CAST: variants seen among roughly 807,000 people sequenced by gnomAD.
CAST encodes calpastatin, also known as MIR583 host.
A neutral mutation model predicts 119.6 loss-of-function variants in CAST; 76 were observed. The ratio of observed to expected loss-of-function variants is 0.64; its 90% CI spans 0.53 to 0.77. The LOEUF (loss-of-function observed/expected upper bound fraction) is 0.77, where lower values mean the gene tolerates loss of function less well. Ranked by LOEUF, CAST falls within the 30% of genes least tolerant of loss-of-function variation. The pLI, the probability that CAST is intolerant of heterozygous loss-of-function variation, is 0.00. For missense variants in CAST, 953 were observed against 946.5 expected (o/e 1.01, Z -0.09); for synonymous variants, 319 against 331.6 (o/e 0.96, Z 0.41).
the CAST span, among the ~76,000 whole-genome samples, chr5:96,099,773 C>A: frequency 1.5e-4 from 23 of 152,174 alleles, no homozygotes; most frequent in African/African-American, 4.6e-4. Context: ...CAAGGATATT[C>A]GCCTGAAGTT....
the CAST span, among the ~76,000 whole-genome samples, chr5:96,074,394 G>T: frequency 3.1e-3 from 465 of 152,310 alleles, 3 homozygotes; most frequent in African/African-American, 0.011. Flanking sequence ...TGGAATTAGT[G>T]CCCTTACAAG....
the CAST span, among the ~76,000 whole-genome samples, chr5:96,293,149 C>G: frequency 7.0e-4 from 107 of 152,318 alleles, no homozygotes; most frequent in African/African-American, 2.5e-3. Flanking sequence ...GCTCCTCCCC[C>G]AGAGGTGTAC....
the CAST span, among the ~76,000 whole-genome samples, chr5:96,016,711 C>G: frequency 6.6e-6 from 1 of 151,828 alleles, no homozygotes; most frequent in African/African-American, 2.4e-5. Flanking sequence ...GAACTTTGGT[C>G]AGTGTTGCTG....
At chr5:96,691,353 T>C (rs771554634) in intron 2 of CAST, among the ~76,000 whole-genome samples, 4 of 151,056 alleles carry the variant, frequency 2.6e-5, no homozygotes, top group Non-Finnish European at 5.9e-5. Context: ...AAAATCAAAC[T>C]GTTTCCAAGT....
the CAST span, among the ~76,000 whole-genome samples, chr5:96,364,470 G>A: frequency 5.9e-5 from 9 of 152,114 alleles, no homozygotes; most frequent in Non-Finnish European, 2.9e-5. Context: ...TTTTTGGTTG[G>A]TAGGCTATTA....
At chr5:96,305,181 G>C in the CAST span, among the ~76,000 whole-genome samples, 4 of 152,114 alleles carry the variant, frequency 2.6e-5, no homozygotes, top group African/African-American at 4.8e-5. Context: ...TTGTAAGTTG[G>C]ATTCCTAGGT....
chr5:96,739,775 T>C (rs900236937), intron 11 of CAST, among the ~76,000 whole-genome samples: 1 of 152,218 alleles, frequency 6.6e-6, no homozygotes, highest in Admixed American at 6.5e-5. Context: ...AATGAAAACA[T>C]TTGAAAACAA....
the CAST span, among the ~76,000 whole-genome samples, chr5:96,492,590 T>C: frequency 6.6e-6 from 1 of 152,220 alleles, no homozygotes; most frequent in Non-Finnish European, 1.5e-5. Flanking sequence ...TTATTTCTTG[T>C]GTATTCTGGT....
chr5:96,733,541 C>T (rs1184115146), intron 9 of CAST, among the ~76,000 whole-genome samples: 1 of 152,186 alleles, frequency 6.6e-6, no homozygotes, highest in Non-Finnish European at 1.5e-5. Context: ...CTGGAACTTG[C>T]AGCAAGTCAT....
At chr5:96,709,671 A>G (rs1386546037) in intron 3 of CAST, among the ~76,000 whole-genome samples, 1 of 152,224 alleles carries the variant, frequency 6.6e-6, no homozygotes, top group African/African-American at 2.4e-5. Flanking sequence ...TATGATATTC[A>G]TACTGGCCTG....
chr5:96,560,128 G>A (rs1329885582), intron 1 of CAST, among the ~76,000 whole-genome samples: 1 of 152,030 alleles, frequency 6.6e-6, no homozygotes, highest in Non-Finnish European at 1.5e-5. Context: ...TTTAATAAAT[G>A]GTGCTGGGAA....
chr5:96,039,317 G>C, the CAST span, among the ~76,000 whole-genome samples: 1 of 152,154 alleles, frequency 6.6e-6, no homozygotes, highest in Non-Finnish European at 1.5e-5. Flanking sequence ...CTCCCATTCT[G>C]TAGGTTGTCC....
intron 1 of CAST, among the ~76,000 whole-genome samples, chr5:96,646,197 G>T (rs1413077915): frequency 6.6e-6 from 1 of 152,102 alleles, no homozygotes; most frequent in Admixed American, 6.5e-5. Context: ...AATTTTGGTT[G>T]GTAATTTGGC....
At chr5:96,123,875 T>C in the CAST span, among the ~76,000 whole-genome samples, 4 of 152,154 alleles carry the variant, frequency 2.6e-5, no homozygotes, top group East Asian at 5.8e-4. Flanking sequence ...TCCTTAAAAT[T>C]GCTTAGATTT....
intron 1 of CAST, among the ~76,000 whole-genome samples, chr5:96,601,094 C>T (rs1193525393): frequency 6.6e-6 from 1 of 152,134 alleles, no homozygotes; most frequent in Non-Finnish European, 1.5e-5. Flanking sequence ...GAATGTCTCT[C>T]TCCCTCTCTC....
the CAST span, among the ~76,000 whole-genome samples, chr5:95,991,553 T>G: frequency 5.0e-5 from 7 of 139,006 alleles, no homozygotes; most frequent in African/African-American, 1.9e-4. Context: ...TCACCCAGGC[T>G]AGAGTGTAAT....
chr5:96,499,228 A>G, the CAST span, among the ~76,000 whole-genome samples: 2 of 152,152 alleles, frequency 1.3e-5, no homozygotes, highest in Admixed American at 6.5e-5. Context: ...ATGAACATCA[A>G]TCCTTTTCTA....
chr5:96,395,730 T>C, the CAST span, among the ~76,000 whole-genome samples: 2 of 152,150 alleles, frequency 1.3e-5, no homozygotes, highest in African/African-American at 4.8e-5. Flanking sequence ...CCATGGCATG[T>C]GTATACCTAT....
chr5:96,588,196 C>CTTTTGTT (rs1746892877), intron 1 of CAST, among the ~76,000 whole-genome samples: 1 of 75,828 alleles, frequency 1.3e-5, no homozygotes, highest in Non-Finnish European at 2.2e-5. Flanking sequence ...TTCTTTCTTT[C>CTTTTGTT]TTTTTTTTTT....
Sources: gnomAD v4.1 joint callset for allele counts (sites outside exome capture counted in the v4.1 genomes callset) on GRCh38, gnomAD v4.1.1 for gene constraint, MANE v1.5 for transcripts, NCBI Gene and HGNC (gene_info 2026-07-23, HGNC 2026-07-21) for gene names.